The following RPN2 variants were observed in gnomAD, a reference collection of about 807,000 sequenced individuals.
RPN2 encodes ribophorin II.
A neutral mutation model predicts 71.4 loss-of-function variants in RPN2; 29 were observed. The ratio of observed to expected loss-of-function variants is 0.41; its 90% CI spans 0.30 to 0.55. The LOEUF (loss-of-function observed/expected upper bound fraction) is 0.55, where lower values mean the gene tolerates loss of function less well. Ranked by LOEUF, RPN2 falls within the 20% of genes least tolerant of loss-of-function variation. The pLI, the probability that RPN2 is intolerant of heterozygous loss-of-function variation, is 0.35. For missense variants in RPN2, 726 were observed against 774.1 expected, an observed-to-expected ratio of 0.94 and a Z score of 0.74; for synonymous variants, 308 against 305.0, an observed-to-expected ratio of 1.01 and a Z score of -0.10.
chr20:37,201,914 AGTCT>A (rs1250194958), intron 4 of RPN2, among the ~76,000 whole-genome samples: 1 of 152,266 alleles, frequency 6.6e-6, no homozygotes, highest in Non-Finnish European at 1.5e-5. Context: ...ATCTCATTGT[AGTCT>A]GTCATAAATC....
chr20:37,184,089 G>C (rs925300714), intron 1 of RPN2, 91 bp from the exon 2 acceptor site: 1 of 1,473,932 alleles, frequency 6.8e-7, no homozygotes, highest in Non-Finnish European at 9.5e-7. Context: ...CATGTGATTT[G>C]GTTCCCAGAT....
Position 37,187,458 on chromosome 20 carries a change from C to T in RPN2, c.207+3085C>T, listed in dbSNP as rs1362918338. Among the ~76,000 whole-genome samples, 4 of 8,158 alleles carry T rather than the reference C, an allele frequency of 4.9e-4. 2 individuals are homozygous for T. The highest frequency in any genetic ancestry group is 3.2e-3 in the East Asian group (4 of 1,260). The allele number at this position is 8,158 out of a possible 152,430, so 5.4% of individuals were successfully genotyped here. ...CGGAGCTTGCAGTGAGCCGAGATCC[C>T]GCCACTGCACTCCAGCCTGGGCGAC... On this transcript the variant is annotated intron_variant, in intron 2 of 16. Transcript: ENST00000237530.
At chr20:37,205,725 C>G (rs117551208) in intron 6 of RPN2, among the ~76,000 whole-genome samples, 1 of 152,110 alleles carries the variant, frequency 6.6e-6, no homozygotes, top group Non-Finnish European at 1.5e-5. Flanking sequence ...CTTTTTGTGT[C>G]TCTTCCTTTG....
At chr20:37,239,669 C>T (rs892168643) in intron 16 of RPN2, among the ~76,000 whole-genome samples, 2 of 152,202 alleles carry the variant, frequency 1.3e-5, no homozygotes, top group African/African-American at 2.4e-5. Context: ...GTGTACAATT[C>T]TGTGAATCCT....
chr20:37,191,868 G>A (rs1484293993), intron 2 of RPN2, among the ~76,000 whole-genome samples: 1 of 152,120 alleles, frequency 6.6e-6, no homozygotes, highest in African/African-American at 2.4e-5. Flanking sequence ...GATCACTTGA[G>A]GTCAGGAGTT....
At chr20:37,195,876 C>T (rs1270301006) in intron 2 of RPN2, among the ~76,000 whole-genome samples, 1 of 152,186 alleles carries the variant, frequency 6.6e-6, no homozygotes, top group Non-Finnish European at 1.5e-5. Flanking sequence ...TTCTTTAAAA[C>T]TTCTGGTTGA....
intron 9 of RPN2, among the ~76,000 whole-genome samples, chr20:37,218,853 C>T (rs576923060): frequency 7.9e-5 from 12 of 151,962 alleles, no homozygotes; most frequent in Non-Finnish European, 1.6e-4. Flanking sequence ...TGTATTAGTA[C>T]TTTATTTCTT....
chr20:37,225,222 A>G (rs144799773), intron 10 of RPN2, among the ~76,000 whole-genome samples: 123 of 152,352 alleles, frequency 8.1e-4, no homozygotes, highest in Non-Finnish European at 1.4e-3. Flanking sequence ...CATTAAAAAA[A>G]GACAAAGCTG....
rs369006724 is a variant in RPN2 at position 37,204,886 on chromosome 20, G to C, written c.675G>C (p.Glu225Asp). Reference sequence around the variant, plus strand: ...AGCTCATGGATCATGTGGGGACTGAGCCATCCATTAAGGAGGTACCTATCT... The same window carrying C: ...AGCTCATGGATCATGTGGGGACTGACCCATCCATTAAGGAGGTACCTATCT... ...TYKLMDHVGT[E>D]PSIKEDQVIQ... Residue 225 changes from glutamate to aspartate, a missense_variant, in exon 6 of 17, where the codon GAG (glutamate) becomes GAC (aspartate). Transcript: ENST00000237530. The C allele has an allele frequency of 1.2e-6, 2 of 1,614,018 alleles. No individual in the cohort carries two copies. The highest frequency in any genetic ancestry group is 1.7e-5 in the Admixed American group (1 of 59,996).
intron 9 of RPN2, among the ~76,000 whole-genome samples, chr20:37,215,654 C>T (rs73293715): frequency 0.033 from 4,972 of 152,188 alleles, 106 homozygotes; most frequent in African/African-American, 0.045. Context: ...TAGTCAGTTA[C>T]CAAGTCCTAT....
rs367758574 is a variant in RPN2 at position 37,223,932 on chromosome 20, G to T, written c.1147G>T (p.Val383Leu). The change falls in exon 10 of 17, where the codon GTG (valine) becomes TTG (leucine). Residue 383 changes from valine to leucine, a missense_variant. By Grantham distance (32) the Val-to-Leu change is conservative (BLOSUM62 1). Transcript: ENST00000237530. ...CATCACAAATGTTGATCTTTCCACC[G>T]TGGATAAGGATCAGAGCATTGCACC... ...VGITNVDLST[V>L]DKDQSIAPKT... 3.1e-6 allele frequency: 5 copies of T among 1,613,966 alleles called. No homozygotes were observed. The highest frequency in any genetic ancestry group is 3.4e-6 in the Non-Finnish European group (4 of 1,179,990).
intron 11 of RPN2, among the ~76,000 whole-genome samples, chr20:37,226,599 T>C (rs961058830): frequency 6.6e-6 from 1 of 152,228 alleles, no homozygotes; most frequent in Non-Finnish European, 1.5e-5. Context: ...TTTTTTATTC[T>C]AGCCAAAGCA....
At chr20:37,228,955 A>G (rs542215636) in intron 12 of RPN2, among the ~76,000 whole-genome samples, 1 of 108,074 alleles carries the variant, frequency 9.3e-6, no homozygotes, top group East Asian at 2.2e-4. Context: ...AATAAATATT[A>G]AGTGAGTGAA....
chr20:37,230,651 G>A (rs923457077), intron 13 of RPN2, among the ~76,000 whole-genome samples: 4 of 152,160 alleles, frequency 2.6e-5, no homozygotes, highest in Admixed American at 2.0e-4. Context: ...GGACTATTTT[G>A]CAATCTTGAG....
At chr20:37,235,393 G>C (rs748367355) in intron 15 of RPN2, among the ~76,000 whole-genome samples, 17 of 152,164 alleles carry the variant, frequency 1.1e-4, no homozygotes, top group Non-Finnish European at 2.4e-4. Flanking sequence ...TGATGAGGGT[G>C]ACTGGGGCAG....
chr20:37,203,876 A>G lies in RPN2; in HGVS notation c.480-9A>G, dbSNP rs1267021250. The G allele has an allele frequency of 8.1e-6, 13 of 1,610,596 alleles. No homozygotes were observed. The highest frequency in any genetic ancestry group is 1.3e-5 in the African/African-American group (1 of 74,852). On this transcript the variant is annotated splice_polypyrimidine_tract_variant and intron_variant, in intron 4 of 16. Transcript: ENST00000237530. ...GCCATTCATTGGGGTTCTACTCTTT[A>G]CCTTCCAGAACAGTCCAGGCTCTGC... is the stretch of plus-strand genomic sequence containing the variant.
Position 37,236,586 on chromosome 20 carries a change from T to C in RPN2, c.1760T>C (p.Leu587Pro). The change falls in exon 16 of 17, where the codon CTG becomes CCG. Residue 587 changes from leucine to proline, a missense_variant. Coordinates refer to ENST00000237530, the MANE Select transcript of RPN2 (RefSeq NM_002951.5). ...ATGACACCTCTTCTTGCAGCTATGCTGGGACTCATGTATGTCTACTGGACT... is the reference window on the plus strand; with the variant it reads ...ATGACACCTCTTCTTGCAGCTATGCCGGGACTCATGTATGTCTACTGGACT... ...IIFHLGHAAM[L>P]GLMYVYWTQL... The C allele has an allele frequency of 2.5e-6, 4 of 1,614,166 alleles. No individual in the cohort carries two copies. The highest frequency in any genetic ancestry group is 3.4e-6 in the Non-Finnish European group (4 of 1,179,994).
chr20:37,221,814 T>C (rs2067966077), intron 9 of RPN2, among the ~76,000 whole-genome samples: 1 of 152,268 alleles, frequency 6.6e-6, no homozygotes, highest in Non-Finnish European at 1.5e-5. Flanking sequence ...GTCTTCTTGC[T>C]ATGGAATGTT....
At chr20:37,196,697 G>A (rs554489404) in intron 2 of RPN2, among the ~76,000 whole-genome samples, 1 of 152,236 alleles carries the variant, frequency 6.6e-6, no homozygotes, top group East Asian at 1.9e-4. Context: ...ACTTTTAACT[G>A]TTATTATTAC....
Sources: gnomAD v4.1 joint callset for allele counts (sites outside exome capture counted in the v4.1 genomes callset) on GRCh38, gnomAD v4.1.1 for gene constraint, MANE v1.5 for transcripts, NCBI Gene and HGNC (gene_info 2026-07-23, HGNC 2026-07-21) for gene names.